The following LHFPL5 variants were observed in gnomAD, a reference collection of about 807,000 sequenced individuals.
LHFPL5 encodes the protein LHFPL tetraspan subfamily member 5 protein.
Under a neutral mutation model 18.7 loss-of-function variants are expected in LHFPL5, and 12 were observed. The ratio of observed to expected loss-of-function variants is 0.64; its 90% CI spans 0.41 to 1.04. The LOEUF (loss-of-function observed/expected upper bound fraction) is 1.04, where lower values mean the gene tolerates loss of function less well. LHFPL5 is among the 50% of genes least tolerant of loss of function. The probability of loss-of-function intolerance (pLI) is 0.00; values close to 1 mark genes in which losing one functional copy is unlikely to be tolerated. For synonymous variants in LHFPL5, 111 were observed against 120.2 expected, an observed-to-expected ratio of 0.92 and a Z score of 0.50; for missense variants, 259 against 292.1, an observed-to-expected ratio of 0.89 and a Z score of 0.83.
rs893265017 is a variant in LHFPL5, at chr6:35,812,959, GC to G, written c.413-1586del. On this transcript the variant is annotated intron_variant, in intron 1 of 3. Coordinates refer to ENST00000360215, the MANE Select transcript of LHFPL5 (RefSeq NM_182548.4). ...AATCCCAGCTACTCAGGAGGGTGAG[GC>G]AGGAGAATCACTTGAATCCGGGAGG... is the stretch of plus-strand genomic sequence containing the variant. Among the ~76,000 whole-genome samples the G allele has an allele frequency of 1.8e-4, 27 of 152,068 alleles. 1 individual carries two copies.
In LHFPL5 at chr6:35,823,426, T is replaced by TATATAC. The variant is rs886061353; in HGVS notation, c.*462_*463insTATACA. 27 of 59,322 alleles carry TATATAC rather than the reference T, an allele frequency of 4.6e-4. No homozygotes were observed. Among genetic ancestry groups the TATATAC allele is most frequent in the African/African-American group, 1.5e-3 (23 of 15,514 alleles). 3.7% of individuals were successfully genotyped at this position (59,322 alleles called of 1,614,324 possible). ...ACACACACACACACACACACACACATACATACACACACACATATATATACA... is the reference window on the plus strand; with the variant it reads ...ACACACACACACACACACACACACATATATACACATACACACACACATATATATACA... On this transcript the variant is annotated 3_prime_UTR_variant, in exon 4 of 4. Coordinates refer to ENST00000360215, the MANE Select transcript of LHFPL5 (RefSeq NM_182548.4).
At chr6:35,811,134 C>T (rs115229887) in intron 1 of LHFPL5, 7 of 152,320 alleles carry the variant, frequency 4.6e-5, no homozygotes, top group African/African-American at 1.2e-4. Context: ...CACATCTCTG[C>T]TCACATGTCA....
intron 1 of LHFPL5, among the ~76,000 whole-genome samples, chr6:35,810,974 C>G (rs919235922): frequency 6.6e-6 from 1 of 152,186 alleles, no homozygotes; most frequent in African/African-American, 2.4e-5. Context: ...TGGTCCGTGC[C>G]AACCGGGGAT....
chr6:35,805,803 A>G lies in LHFPL5; in HGVS notation c.133A>G (p.Ile45Val). The change falls in exon 1 of 4, where the codon ATC becomes GTC. Residue 45 changes from isoleucine to valine, a missense_variant. By Grantham distance (29) the Ile-to-Val change is conservative. Transcript: ENST00000360215. The surrounding 1 kb of genome is among the most constrained non-coding windows in gnomAD (Gnocchi z 4.3). Reference sequence around the variant, plus strand: ...CTCCGTACTGGTCATGGCCCTCTTCATCCAGCCCTACTGGATCGGCGACAG... The same window carrying G: ...CTCCGTACTGGTCATGGCCCTCTTCGTCCAGCCCTACTGGATCGGCGACAG... The part of the protein sequence containing the change: ...CFSVLVMALF[I>V]QPYWIGDSVN... 1.2e-6 allele frequency: 2 copies of G among 1,614,216 alleles called. No individual in the cohort carries two copies. The highest frequency in any genetic ancestry group is 1.7e-6 in the Non-Finnish European group (2 of 1,180,036).
chr6:35,814,835 G>A lies in LHFPL5; in HGVS notation c.649+53G>A. ...CCCTGCCTGGAGACCCTGGGATGTG[G>A]GTGGGGGTTCATCTTAGCCAGTCCT... is the stretch of plus-strand genomic sequence containing the variant. On this transcript the variant is annotated intron_variant, in intron 2 of 3. Transcript: ENST00000360215. The surrounding 1 kb of genome is among the most constrained non-coding windows in gnomAD (Gnocchi z 4.2). 6.6e-7 allele frequency: 1 copy of A among 1,520,402 alleles called. No individual in the cohort carries two copies. Among genetic ancestry groups the A allele is most frequent in the Non-Finnish European group, 9.1e-7 (1 of 1,095,114 alleles). The allele number at this position is 1,520,402 out of a possible 1,614,324, so 94.2% of individuals were successfully genotyped here.
Position 35,808,861 on chromosome 6 carries a change from G to C in LHFPL5, c.412+2779G>C, listed in dbSNP as rs1044048413. On this transcript the variant is annotated intron_variant, in intron 1 of 3. Coordinates refer to ENST00000360215, the MANE Select transcript of LHFPL5 (RefSeq NM_182548.4). Reference sequence around the variant, plus strand: ...AGTCAGACACTATCTGGGTAGAAAAGCTGGAGACACTGATAGCAGAGGTGG... The same window carrying C: ...AGTCAGACACTATCTGGGTAGAAAACCTGGAGACACTGATAGCAGAGGTGG... 3.9e-5 allele frequency among the ~76,000 whole-genome samples: 6 copies of C among 151,950 alleles called. 1 individual carries two copies. The South Asian group carries it at 1.2e-3, about 32-fold the overall frequency.
At chr6:35,822,820 G>A (rs1265193439) in intron 3 of LHFPL5, among the ~76,000 whole-genome samples, 162 bp from the exon 4 acceptor site, 1 of 152,086 alleles carries the variant, frequency 6.6e-6, no homozygotes, top group Non-Finnish European at 1.5e-5. Context: ...ATGTTGGCCA[G>A]GCTGGCCTCG....
In LHFPL5 at chr6:35,807,983, A is replaced by G. The variant is rs771765629; in HGVS notation, c.412+1901A>G. Among the ~76,000 whole-genome samples, 58 of 151,834 alleles carry G rather than the reference A, an allele frequency of 3.8e-4. No individual in the cohort carries two copies. In the Middle Eastern group the frequency reaches 0.014, roughly 36 times the overall value. Reference sequence around the variant, plus strand: ...GTAACTTGTCTTTGAGCATACAAGTAGGAAGGCATGCACCTTTGATTCCAA... The same window carrying G: ...GTAACTTGTCTTTGAGCATACAAGTGGGAAGGCATGCACCTTTGATTCCAA... On this transcript the variant is annotated intron_variant, in intron 1 of 3. Coordinates refer to ENST00000360215, the MANE Select transcript of LHFPL5 (RefSeq NM_182548.4).
chr6:35,815,274 C>T (rs541024881), intron 2 of LHFPL5, among the ~76,000 whole-genome samples: 4 of 152,052 alleles, frequency 2.6e-5, no homozygotes, highest in African/African-American at 7.2e-5. Context: ...TTGGGATTCT[C>T]GTAATGTTCG....
At position 35,812,028 on chromosome 6, in the gene LHFPL5, G is replaced by A. The variant is rs149448130; in HGVS notation, c.413-2518G>A. On this transcript the variant is annotated intron_variant, in intron 1 of 3. Transcript: ENST00000360215. ...TGACTGGATGGCTGGTAAGTCACTT[G>A]GTTTCTTTGAGCCCTCAGTTTTCTA... is the stretch of plus-strand genomic sequence containing the variant. Among the ~76,000 whole-genome samples, 3 of 152,292 alleles carry A rather than the reference G, an allele frequency of 2.0e-5. No individual in the cohort carries two copies. In the East Asian group the frequency reaches 5.8e-4, roughly 29 times the overall value.
At chr6:35,810,356 T>A (rs1381742802) in intron 1 of LHFPL5, among the ~76,000 whole-genome samples, 2 of 152,090 alleles carry the variant, frequency 1.3e-5, no homozygotes, top group African/African-American at 4.8e-5. Context: ...GGGGGTTCTG[T>A]GAAGATGGGA....
intron 2 of LHFPL5, among the ~76,000 whole-genome samples, chr6:35,816,177 CA>C (rs60374883): frequency 0.025 from 1,525 of 60,564 alleles, 19 homozygotes; most frequent in African/African-American, 0.076. Context: ...GACTCCGTCT[CA>C]AAAAAAAAAA....
intron 3 of LHFPL5, among the ~76,000 whole-genome samples, chr6:35,821,617 G>T (rs984705230): frequency 6.6e-6 from 1 of 151,718 alleles, no homozygotes; most frequent in Non-Finnish European, 1.5e-5. Context: ...AAGTAGCTGG[G>T]ATTATAGGCA....
chr6:35,805,368 C>T lies in LHFPL5; in HGVS notation c.-303C>T, dbSNP rs569631248. 1.7e-4 allele frequency: 63 copies of T among 380,066 alleles called. No homozygotes were observed. Among genetic ancestry groups the T allele is most frequent in the African/African-American group, 1.4e-3 (61 of 42,816 alleles). The allele number at this position is 380,066 out of a possible 1,614,324, so 23.5% of individuals were successfully genotyped here. ...GGCGGGGCTCTCGGGAGCCGTGAGCCGGGAAGAGGGAGACGGGCAGGGCGG... is the reference window on the plus strand; with the variant it reads ...GGCGGGGCTCTCGGGAGCCGTGAGCTGGGAAGAGGGAGACGGGCAGGGCGG... On this transcript the variant is annotated 5_prime_UTR_variant, in exon 1 of 4. Transcript: ENST00000360215. This position sits in a 1 kb window ranked among gnomAD's most constrained non-coding sequence, Gnocchi z 4.3.
At chr6:35,810,230 G>A (rs1768640680) in intron 1 of LHFPL5, among the ~76,000 whole-genome samples, 1 of 152,014 alleles carries the variant, frequency 6.6e-6, no homozygotes, top group African/African-American at 2.4e-5. Context: ...CCTCCCAAAG[G>A]CCCCACCTCC....
chr6:35,818,347 ATGTATT>A (rs1303000426), intron 2 of LHFPL5, among the ~76,000 whole-genome samples: 1 of 5,096 alleles, frequency 2.0e-4, no homozygotes, highest in African/African-American at 4.6e-4. Flanking sequence ...ATATATATAT[ATGTATT>A]TTTTTTTTTT....
chr6:35,815,870 T>C (rs561755611), intron 2 of LHFPL5, among the ~76,000 whole-genome samples: 1 of 152,184 alleles, frequency 6.6e-6, no homozygotes, highest in South Asian at 2.1e-4. Context: ...CCACCTGTTA[T>C]GTGGTTAAAG....
chr6:35,820,048 T>TC (rs1768838085), intron 3 of LHFPL5, among the ~76,000 whole-genome samples: 1 of 152,160 alleles, frequency 6.6e-6, no homozygotes, highest in Admixed American at 6.6e-5. Context: ...AATTCATGTT[T>TC]TATGGAGCCT....
chr6:35,818,342 TATATA>T (rs1561955667), intron 2 of LHFPL5, among the ~76,000 whole-genome samples: 9 of 8,516 alleles, frequency 1.1e-3, no homozygotes, highest in Non-Finnish European at 1.2e-3. Context: ...TATATATATA[TATATA>T]TGTATTTTTT....
Sources: allele counts gnomAD v4.1 joint callset (sites outside exome capture counted in the v4.1 genomes callset), GRCh38; gene constraint gnomAD v4.1.1; non-coding constraint Gnocchi (gnomAD v3.1); transcripts MANE v1.5; gene names NCBI Gene and HGNC (gene_info 2026-07-23, HGNC 2026-07-21).